Variants in ARHGEF28 observed in about 807,000 individuals in gnomAD.
ARHGEF28 encodes the protein 190 kDa guanine nucleotide exchange factor.
ARHGEF28 carries 152 observed loss-of-function variants against 206.6 expected under a neutral mutation model. The ratio of observed to expected loss-of-function variants is 0.74; its 90% CI spans 0.64 to 0.84. The LOEUF is 0.84. Among genes scored for constraint, ARHGEF28 ranks in the 40% least tolerant of loss-of-function variants. The pLI is 0.00. For synonymous variants in ARHGEF28, 763 were observed against 776.4 expected (o/e 0.98, Z 0.29); for missense variants, 2,028 against 2,073.2 (o/e 0.98, Z 0.42).
chr5:73,697,511 C>T (rs56979215), intron 2 of ARHGEF28, among the ~76,000 whole-genome samples: 4,430 of 152,198 alleles, frequency 0.029, 215 homozygotes, highest in African/African-American at 0.1. Flanking sequence ...TCTGAAGAGT[C>T]CTGAGATGGC....
rs994803669 is a variant in ARHGEF28, at chr5:73,806,831, G to A, written c.1024+11440G>A. ...ATATGTGCCATATATACGATATATC[G>A]TATATATGGTATATATCGATATATA... is the stretch of plus-strand genomic sequence containing the variant. On this transcript the variant is annotated intron_variant, in intron 9 of 35. Coordinates refer to ENST00000513042, the MANE Select transcript of ARHGEF28 (RefSeq NM_001177693.2). Among the ~76,000 whole-genome samples the A allele has an allele frequency of 1.0e-4, 13 of 128,838 alleles. 1 individual carries two copies. Among genetic ancestry groups the A allele is most frequent in the South Asian group, 7.5e-4 (3 of 3,998 alleles). 84.5% of individuals were successfully genotyped at this position (128,838 alleles called of 152,430 possible). A position where few individuals can be genotyped will look rare whatever the true frequency, so the allele number is the denominator to read the frequency against.
At chr5:73,861,734 T>C (rs1370202812) in intron 16 of ARHGEF28, among the ~76,000 whole-genome samples, 1 of 152,192 alleles carries the variant, frequency 6.6e-6, no homozygotes, top group Non-Finnish European at 1.5e-5. Context: ...CATATCATTG[T>C]CCACATATTT....
At chr5:73,756,840 G>A (rs1049657633) in intron 4 of ARHGEF28, among the ~76,000 whole-genome samples, 3 of 152,150 alleles carry the variant, frequency 2.0e-5, no homozygotes, top group African/African-American at 7.2e-5. Flanking sequence ...AGGAAAACGT[G>A]GAGTTTTTAT....
At chr5:73,900,602 A>G (rs2112705370) in intron 30 of ARHGEF28, 1 of 152,362 alleles carries the variant, frequency 6.6e-6, no homozygotes, top group Middle Eastern at 3.4e-3. Context: ...TTGTTAAAAA[A>G]TAAGTTATTC....
intron 2 of ARHGEF28, among the ~76,000 whole-genome samples, chr5:73,741,210 G>T (rs1186271959): frequency 6.6e-6 from 1 of 151,816 alleles, no homozygotes; most frequent in Non-Finnish European, 1.5e-5. Context: ...GGAATCTGGA[G>T]TCATTTGCTG....
At chr5:73,690,415 A>G (rs1747737915) in intron 2 of ARHGEF28, among the ~76,000 whole-genome samples, 1 of 151,740 alleles carries the variant, frequency 6.6e-6, no homozygotes, top group South Asian at 2.1e-4. Flanking sequence ...ATTTTTGTAT[A>G]AAGTATAATT....
In ARHGEF28 at chr5:73,732,686, C is replaced by G. The variant is rs148539482; in HGVS notation, c.34-17151C>G. Among the ~76,000 whole-genome samples the G allele has an allele frequency of 3.3e-3, 508 of 152,268 alleles. 3 individuals are homozygous for G. The highest frequency in any genetic ancestry group is 0.012 in the African/African-American group (478 of 41,554). ...AACAGAAGGCTCTAGACCATGAGAA[C>G]AGGGATTTGCTCGGTTTATTGCTGC... On this transcript the variant is annotated intron_variant, in intron 2 of 35. Coordinates refer to ENST00000513042, the MANE Select transcript of ARHGEF28 (RefSeq NM_001177693.2).
At chr5:73,904,172 T>G (rs76818630) in intron 31 of ARHGEF28, 50 bp from the exon 32 acceptor site, 2 of 1,597,934 alleles carry the variant, frequency 1.3e-6, no homozygotes, top group African/African-American at 2.7e-5. Context: ...GCAGGGCAGC[T>G]TTTCAGAAGT....
In ARHGEF28 at chr5:73,887,535, T is replaced by A. The variant is rs1486891816; in HGVS notation, c.3311-68T>A. 2.4e-6 allele frequency: 3 copies of A among 1,241,584 alleles called. No homozygotes were observed. The African/African-American group carries it at 4.6e-5, about 19-fold the overall frequency. 76.9% of individuals were successfully genotyped at this position (1,241,584 alleles called of 1,614,324 possible). A position where few individuals can be genotyped will look rare whatever the true frequency, so the allele number is the denominator to read the frequency against. On this transcript the variant is annotated intron_variant, in intron 25 of 35. Transcript: ENST00000513042. The stretch of plus-strand genomic sequence containing the variant: ...ATACTTAGACTAAATCTTAGTCTTT[T>A]GATTTTTATTCAGTTTATTTGAACT...
At chr5:73,753,969 A>G (rs1752167125) in intron 4 of ARHGEF28, among the ~76,000 whole-genome samples, 1 of 152,216 alleles carries the variant, frequency 6.6e-6, no homozygotes, top group South Asian at 2.1e-4. Flanking sequence ...GTGTCCAGCC[A>G]ATAGCTGCTT....
intron 1 of ARHGEF28, among the ~76,000 whole-genome samples, chr5:73,644,402 G>A (rs1171935410): frequency 6.6e-6 from 1 of 152,108 alleles, no homozygotes; most frequent in Non-Finnish European, 1.5e-5. Flanking sequence ...CCATGCTCTC[G>A]TCTACCTGTT....
chr5:73,880,894 T>C (rs1760878806), intron 22 of ARHGEF28, among the ~76,000 whole-genome samples: 2 of 151,984 alleles, frequency 1.3e-5, no homozygotes, highest in Non-Finnish European at 2.9e-5. Context: ...ATCCTTCTCC[T>C]GCACTCCAGC....
intron 2 of ARHGEF28, among the ~76,000 whole-genome samples, chr5:73,718,152 A>G (rs183016185): frequency 6.6e-6 from 1 of 152,286 alleles, no homozygotes; most frequent in Non-Finnish European, 1.5e-5. Flanking sequence ...GATTACAGGC[A>G]TGAGCCACCA....
intron 1 of ARHGEF28, among the ~76,000 whole-genome samples, chr5:73,661,962 A>G (rs2112192369): frequency 6.6e-6 from 1 of 152,326 alleles, no homozygotes; most frequent in East Asian, 1.9e-4. Context: ...TCAATGCAGG[A>G]TTGCCACAAA....
At position 73,909,676 on chromosome 5, in the gene ARHGEF28, G is replaced by A. The variant is rs1424578806; in HGVS notation, c.4426G>A (p.Glu1476Lys). The A allele has an allele frequency of 4.5e-6, 7 of 1,540,150 alleles. No homozygotes were observed. The highest frequency in any genetic ancestry group is 1.4e-5 in the African/African-American group (1 of 72,904). ...ATRESWLQER[E>K]RECQSQEELL... is the part of the protein sequence containing the mutation. ...CAGGGAGAGCTGGCTGCAGGAGCGG[G>A]AGCGGGAGTGCCAGTCGCAGGAGGA... is the stretch of plus-strand genomic sequence containing the variant. Residue 1476 changes from glutamate (E) to lysine (K), a missense_variant, in exon 34 of 36, where the codon GAG (glutamate) becomes AAG (lysine). This residue lies in a region of ARHGEF28 where 803 missense variants were observed against 768.0 expected (regional missense o/e 1.05). Transcript: ENST00000513042.
At chr5:73,900,483 T>A (rs190767360) in intron 30 of ARHGEF28, 1 of 152,236 alleles carries the variant, frequency 6.6e-6, no homozygotes, top group Admixed American at 6.5e-5. Context: ...CTGTATTTGG[T>A]ACTTAAAAAT....
At chr5:73,883,325 G>A (rs904049740) in intron 23 of ARHGEF28, among the ~76,000 whole-genome samples, 1 of 152,086 alleles carries the variant, frequency 6.6e-6, no homozygotes, top group Non-Finnish European at 1.5e-5. Flanking sequence ...GGAATACTTT[G>A]ATATTTTTAG....
chr5:73,794,374 C>A (rs1363694762), intron 7 of ARHGEF28, 28 bp from the exon 8 acceptor site: 1 of 1,563,134 alleles, frequency 6.4e-7, no homozygotes, highest in Non-Finnish European at 8.7e-7. Context: ...CTCCCATCAG[C>A]AGATCCTGAT....
At chr5:73,762,948 C>T (rs1012813478) in intron 4 of ARHGEF28, among the ~76,000 whole-genome samples, 2 of 152,190 alleles carry the variant, frequency 1.3e-5, no homozygotes, top group Non-Finnish European at 2.9e-5. Flanking sequence ...GTACATACAT[C>T]ATAGAATGGC....
Sources: allele counts gnomAD v4.1 joint callset (sites outside exome capture counted in the v4.1 genomes callset), GRCh38; gene constraint gnomAD v4.1.1; regional missense constraint gnomAD v4.1.1; transcripts MANE v1.5; gene names NCBI Gene and HGNC (gene_info 2026-07-23, HGNC 2026-07-21).